Variants in SAG observed in about 807,000 individuals in gnomAD.
SAG encodes the protein S-arrestin.
A neutral mutation model predicts 55.0 loss-of-function variants in SAG; 45 were observed. The ratio of observed to expected loss-of-function variants is 0.82; its 90% CI spans 0.64 to 1.05. The LOEUF (loss-of-function observed/expected upper bound fraction) is 1.05, where lower values mean the gene tolerates loss of function less well. Ranked by LOEUF, SAG falls within the 50% of genes least tolerant of loss-of-function variation. The pLI is 0.00. For missense variants in SAG, 455 were observed against 512.1 expected (o/e 0.89, Z 1.08); for synonymous variants, 189 against 197.4 (o/e 0.96, Z 0.36).
chr2:233,318,993 G>A, intron 4 of SAG, 198 bp downstream of exon 4: 2 of 714,134 alleles, frequency 2.8e-6, no homozygotes, highest in East Asian at 5.4e-5. Context: ...TGACACCAGA[G>A]CTCACTCGCT....
chr2:233,335,166 C>T (rs2125344307), intron 11 of SAG, 67 bp downstream of exon 11: 2 of 1,556,458 alleles, frequency 1.3e-6, no homozygotes, highest in South Asian at 1.2e-5. Context: ...CTTCCCTTCA[C>T]ATCACCCTGC....
chr2:233,310,797 G>A (rs1244155714), intron 2 of SAG, among the ~76,000 whole-genome samples: 2 of 152,044 alleles, frequency 1.3e-5, no homozygotes, highest in South Asian at 2.1e-4. Context: ...GTGAGCCACC[G>A]CACCTGGCCC....
At chr2:233,334,486 C>G in intron 10 of SAG, 1 of 154,302 alleles carries the variant, frequency 6.5e-6, no homozygotes, top group Non-Finnish European at 1.4e-5. Flanking sequence ...GTGTGATCCA[C>G]AAATTGTGGG....
At chr2:233,316,914 T>C (rs566108533) in intron 3 of SAG, among the ~76,000 whole-genome samples, 2 of 152,316 alleles carry the variant, frequency 1.3e-5, no homozygotes, top group South Asian at 4.1e-4. Flanking sequence ...TTACTTTCAA[T>C]GTAGTGGCGA....
At chr2:233,308,621 C>T (rs534855582) in intron 1 of SAG, among the ~76,000 whole-genome samples, 1 of 152,162 alleles carries the variant, frequency 6.6e-6, no homozygotes, top group African/African-American at 2.4e-5. Flanking sequence ...GTGATAGGAT[C>T]TTGCTATGTT....
Position 233,319,812 on chromosome 2 carries a change from G to T in SAG, c.182-818G>T, listed in dbSNP as rs920331587. ...CCTTCTTAGTCCTGAGCTTGAATGAGGGGCGAGTGAGTGGCCACTGTTTCT... is the reference window on the plus strand; with the variant it reads ...CCTTCTTAGTCCTGAGCTTGAATGATGGGCGAGTGAGTGGCCACTGTTTCT... On this transcript the variant is annotated intron_variant, in intron 4 of 15. Transcript: ENST00000409110. This position sits in a 1 kb window ranked among gnomAD's most constrained non-coding sequence, Gnocchi z 4.4. 9.2e-5 allele frequency: 91 copies of T among 985,640 alleles called. No individual in the cohort carries two copies. The African/African-American group carries it at 1.4e-3, about 16-fold the overall frequency. 61.1% of individuals were successfully genotyped at this position (985,640 alleles called of 1,614,324 possible). A position where few individuals can be genotyped will look rare whatever the true frequency, so the allele number is the denominator to read the frequency against.
intron 5 of SAG, among the ~76,000 whole-genome samples, chr2:233,322,568 A>G (rs1010220903): frequency 2.6e-4 from 40 of 152,196 alleles, no homozygotes; most frequent in Admixed American, 2.1e-3. Flanking sequence ...TGAGAGGCCA[A>G]GGTGGGTGGA....
intron 11 of SAG, 39 bp downstream of exon 11, chr2:233,335,138 C>G (rs370970250): frequency 6.3e-7 from 1 of 1,589,278 alleles, no homozygotes; most frequent in African/African-American, 1.3e-5. Flanking sequence ...CCTGGCAGGG[C>G]GGGCTGGTGC....
In SAG at chr2:233,330,539, T is replaced by C. The variant is rs192358844; in HGVS notation, c.733+962T>C. ...TTCCTTCCTTCCTTCCTTCCTTCCT[T>C]CCTCCCTTTCTTTCACAGTCTCCCT... is the stretch of plus-strand genomic sequence containing the variant. On this transcript the variant is annotated intron_variant, in intron 9 of 15. Coordinates refer to ENST00000409110, the MANE Select transcript of SAG (RefSeq NM_000541.5). Among the ~76,000 whole-genome samples the C allele has an allele frequency of 2.0e-3, 287 of 140,802 alleles. 1 individual carries two copies. The highest frequency in any genetic ancestry group is 7.0e-3 in the African/African-American group (259 of 36,926). The allele number at this position is 140,802 out of a possible 152,430, so 92.4% of individuals were successfully genotyped here. A position where few individuals can be genotyped will look rare whatever the true frequency, so the allele number is the denominator to read the frequency against.
chr2:233,319,151 G>A lies in SAG; in HGVS notation c.181+356G>A. On this transcript the variant is annotated intron_variant, in intron 4 of 15. Coordinates refer to ENST00000409110, the MANE Select transcript of SAG (RefSeq NM_000541.5). The surrounding 1 kb of genome is among the most constrained non-coding windows in gnomAD (Gnocchi z 4.4). ...GGGTGCCTGGGGTGCCTAGGACTCA[G>A]GAGGACACAAGACCTTGAATGAATG... 1 of 441,496 alleles carries A rather than the reference G, an allele frequency of 2.3e-6. No individual in the cohort carries two copies. Among genetic ancestry groups the A allele is most frequent in the Non-Finnish European group, 4.4e-6 (1 of 229,550 alleles). The allele number at this position is 441,496 out of a possible 1,614,324, so 27.3% of individuals were successfully genotyped here. A position where few individuals can be genotyped will look rare whatever the true frequency, so the allele number is the denominator to read the frequency against.
At chr2:233,314,750 A>G (rs1282416117) in intron 2 of SAG, among the ~76,000 whole-genome samples, 2 of 152,192 alleles carry the variant, frequency 1.3e-5, no homozygotes, top group Non-Finnish European at 2.9e-5. Flanking sequence ...TCACTTCAGC[A>G]TCATTCATGC....
Position 233,329,588 on chromosome 2 carries a change from C to T in SAG, c.733+11C>T. ...AGATTAAAGCATTCGGTAGGACCTTCTTCTCAGAAGTAGAGGGCATAGTCT... is the reference window on the plus strand; with the variant it reads ...AGATTAAAGCATTCGGTAGGACCTTTTTCTCAGAAGTAGAGGGCATAGTCT... On this transcript the variant is annotated intron_variant, in intron 9 of 15. Transcript: ENST00000409110. 1 of 1,578,572 alleles carries T rather than the reference C, an allele frequency of 6.3e-7. No homozygotes were observed. Among genetic ancestry groups the T allele is most frequent in the Non-Finnish European group, 8.7e-7 (1 of 1,147,896 alleles).
intron 1 of SAG, among the ~76,000 whole-genome samples, chr2:233,308,557 G>T (rs1699999210): frequency 6.6e-6 from 1 of 151,778 alleles, no homozygotes; most frequent in South Asian, 2.1e-4. Context: ...CTCTTAGTAG[G>T]AATTGCCAAA....
At chr2:233,343,753 AGGT>A in intron 14 of SAG, 1 of 1,103,614 alleles carries the variant, frequency 9.1e-7, no homozygotes, top group African/African-American at 1.7e-5. Context: ...AACTCTCCGT[AGGT>A]ATAGGAATAA....
At chr2:233,331,503 G>A (rs1700761472) in intron 9 of SAG, 137 bp from the exon 10 acceptor site, 1 of 711,694 alleles carries the variant, frequency 1.4e-6, no homozygotes. Flanking sequence ...GCTGAGGGCT[G>A]AGAAAGCCTA....
At chr2:233,331,593 G>T in intron 9 of SAG, 47 bp from the exon 10 acceptor site, 1 of 1,275,196 alleles carries the variant, frequency 7.8e-7, no homozygotes, top group South Asian at 1.2e-5. Flanking sequence ...AAGTGCACGT[G>T]TTGGGGGACC....
chr2:233,333,422 A>G (rs1700828874), intron 10 of SAG: 1 of 152,242 alleles, frequency 6.6e-6, no homozygotes, highest in Non-Finnish European at 1.5e-5. Flanking sequence ...TTCCCAGGAA[A>G]CTGGAAAGCA....
At chr2:233,335,708 A>T (rs1446918436) in intron 11 of SAG, among the ~76,000 whole-genome samples, 1 of 152,258 alleles carries the variant, frequency 6.6e-6, no homozygotes, top group Non-Finnish European at 1.5e-5. Context: ...TCAAAGGACG[A>T]CTGGCTGAAT....
intron 9 of SAG, among the ~76,000 whole-genome samples, chr2:233,331,134 A>G (rs1248389334): frequency 6.6e-6 from 1 of 152,120 alleles, no homozygotes; most frequent in Non-Finnish European, 1.5e-5. Flanking sequence ...AGTTAGATGC[A>G]ATTATTACCC....
Sources: gnomAD v4.1 joint callset for allele counts (sites outside exome capture counted in the v4.1 genomes callset) on GRCh38, gnomAD v4.1.1 for gene constraint, Gnocchi (gnomAD v3.1) non-coding constraint, MANE v1.5 for transcripts, NCBI Gene and HGNC (gene_info 2026-07-23, HGNC 2026-07-21) for gene names.